CHD9: variants seen among roughly 807,000 people sequenced by gnomAD.
CHD9 encodes chromodomain helicase DNA binding protein 9, also known as ATP-dependent chromatin remodeler CHD9.
Under a neutral mutation model 316.1 loss-of-function variants are expected in CHD9, and 77 were observed. The ratio of observed to expected loss-of-function variants is 0.24; its 90% CI spans 0.20 to 0.29. CHD9 has a LOEUF of 0.29. Among genes scored for constraint, CHD9 ranks in the 10% least tolerant of loss-of-function variants. The probability of loss-of-function intolerance (pLI) is 1.00; values close to 1 mark genes in which losing one functional copy is unlikely to be tolerated. For synonymous variants in CHD9, 1,129 were observed against 1,158.3 expected, an observed-to-expected ratio of 0.97 and a Z score of 0.51; for missense variants, 2,763 against 3,438.1, an observed-to-expected ratio of 0.80 and a Z score of 4.91.
chr16:53,200,615 C>G (rs2045373690), intron 2 of CHD9, among the ~76,000 whole-genome samples: 1 of 152,120 alleles, frequency 6.6e-6, no homozygotes, highest in Non-Finnish European at 1.5e-5. Context: ...GAAATAGAAA[C>G]TTTCCATTAG....
At chr16:53,074,512 T>A (rs924884130) in intron 1 of CHD9, among the ~76,000 whole-genome samples, 50 of 151,522 alleles carry the variant, frequency 3.3e-4, no homozygotes, top group African/African-American at 1.1e-3. Flanking sequence ...GGCCCAGAGG[T>A]TGAGGAGGAA....
At position 53,120,252 on chromosome 16, in the gene CHD9, AAT is replaced by A. The variant is rs1380141131; in HGVS notation, c.-164-35673_-164-35672del. 3.8e-3 allele frequency among the ~76,000 whole-genome samples: 551 copies of A among 143,962 alleles called. 5 individuals are homozygous for A. The highest frequency in any genetic ancestry group is 0.012 in the African/African-American group (508 of 40,946). The allele number at this position is 143,962 out of a possible 152,430, so 94.4% of individuals were successfully genotyped here. A position where few individuals can be genotyped will look rare whatever the true frequency, so the allele number is the denominator to read the frequency against. ...GTCTCTAAAAAAATAAAAATAAAAAAATTTTTTTAAAAAATTGCACTAGGATG... is the reference window on the plus strand; with the variant it reads ...GTCTCTAAAAAAATAAAAATAAAAAATTTTTTAAAAAATTGCACTAGGATG... On this transcript the variant is annotated intron_variant, in intron 1 of 38. Coordinates refer to ENST00000447540, the MANE Select transcript of CHD9 (RefSeq NM_001308319.2).
At chr16:53,163,935 A>G (rs560388974) in intron 2 of CHD9, among the ~76,000 whole-genome samples, 47 of 152,238 alleles carry the variant, frequency 3.1e-4, no homozygotes, top group African/African-American at 1.1e-3. Context: ...TTTGGATATG[A>G]TTTTTTTCCT....
chr16:53,058,211 C>G (rs1175254242), intron 1 of CHD9, among the ~76,000 whole-genome samples: 1 of 152,174 alleles, frequency 6.6e-6, no homozygotes, highest in Non-Finnish European at 1.5e-5. Flanking sequence ...GTCTCCACCT[C>G]TGGAGTTCAA....
chr16:53,091,484 T>C (rs2035938694), intron 1 of CHD9, among the ~76,000 whole-genome samples: 1 of 152,230 alleles, frequency 6.6e-6, no homozygotes, highest in South Asian at 2.1e-4. Flanking sequence ...AGGGATCCCC[T>C]GCCTTCCCAT....
chr16:53,125,174 T>C (rs1483846452), intron 1 of CHD9, among the ~76,000 whole-genome samples: 1 of 152,074 alleles, frequency 6.6e-6, no homozygotes, highest in East Asian at 1.9e-4. Flanking sequence ...ACTAAACCCT[T>C]ATCAGATACA....
chr16:53,284,932 A>G (rs1341331526), intron 24 of CHD9, among the ~76,000 whole-genome samples: 1 of 151,714 alleles, frequency 6.6e-6, no homozygotes, highest in Non-Finnish European at 1.5e-5. Flanking sequence ...CGCCCAGCTA[A>G]TTTTTTGTAT....
Position 53,304,559 on chromosome 16 carries a change from T to C in CHD9, c.6553T>C (p.Ser2185Pro), listed in dbSNP as rs1465236472. The C allele has an allele frequency of 1.3e-6, 2 of 1,546,130 alleles. No homozygotes were observed. Among genetic ancestry groups the C allele is most frequent in the Admixed American group, 3.9e-5 (2 of 50,954 alleles). ...SSSSSSSTSS[S>P]SSSSSSSSEE... The stretch of plus-strand genomic sequence containing the variant: ...TTCATCCTCTTCCTCCACCTCTTCC[T>C]CCTCCTCCTCCTCTTCATCTTCATC... Residue 2185 changes from serine to proline, a missense_variant, in exon 31 of 39, where the codon TCC becomes CCC. Physicochemically the swap from Ser to Pro is moderately conservative, Grantham distance 74. Around this residue, in one of 15 missense-constraint regions of CHD9, gnomAD observed 663 missense variants for 751.2 expected, o/e 0.88. Coordinates refer to ENST00000447540, the MANE Select transcript of CHD9 (RefSeq NM_001308319.2).
intron 3 of CHD9, among the ~76,000 whole-genome samples, chr16:53,221,442 A>G (rs1475802494): frequency 6.6e-6 from 1 of 152,196 alleles, no homozygotes; most frequent in African/African-American, 2.4e-5. Flanking sequence ...ATCATACCTG[A>G]AAGTATTGGG....
At chr16:53,162,554 T>G (rs1265364213) in intron 2 of CHD9, among the ~76,000 whole-genome samples, 1 of 152,162 alleles carries the variant, frequency 6.6e-6, no homozygotes, top group Non-Finnish European at 1.5e-5. Context: ...AAAAATTCTG[T>G]GTAAGTGAAA....
At chr16:53,109,980 G>A (rs539950773) in intron 1 of CHD9, among the ~76,000 whole-genome samples, 23 of 152,178 alleles carry the variant, frequency 1.5e-4, no homozygotes, top group African/African-American at 4.1e-4. Context: ...CACTGCGCCC[G>A]GCCTGGATTC....
intron 2 of CHD9, among the ~76,000 whole-genome samples, chr16:53,204,058 T>TATATATACAC (rs773266940): frequency 6.3e-4 from 40 of 63,008 alleles, no homozygotes; most frequent in African/African-American, 1.7e-3. Flanking sequence ...AATATATATA[T>TATATATACAC]ACACACACAC....
At chr16:53,189,978 C>A (rs2044348746) in intron 2 of CHD9, among the ~76,000 whole-genome samples, 1 of 152,068 alleles carries the variant, frequency 6.6e-6, no homozygotes, top group Admixed American at 6.5e-5. Context: ...TATTATCCCT[C>A]AACCTCTTAT....
intron 19 of CHD9, among the ~76,000 whole-genome samples, chr16:53,261,392 G>A (rs2051111732): frequency 1.0e-5 from 1 of 95,390 alleles, no homozygotes; most frequent in African/African-American, 3.6e-5. Flanking sequence ...TTTTAGACAG[G>A]TTCTTGTTTT....
At chr16:53,253,843 T>TA (rs925637707) in intron 17 of CHD9, among the ~76,000 whole-genome samples, 4 of 152,102 alleles carry the variant, frequency 2.6e-5, no homozygotes, top group Non-Finnish European at 5.9e-5. Flanking sequence ...TTCATAGGTT[T>TA]TGTGTCCCTG....
chr16:53,291,657 C>A, intron 27 of CHD9, 68 bp from the exon 28 acceptor site: 1 of 1,066,936 alleles, frequency 9.4e-7, no homozygotes, highest in South Asian at 1.5e-5. Context: ...AAGTTTGATT[C>A]TCTTTTCTTT....
chr16:53,225,693 T>G (rs897077736), intron 4 of CHD9, among the ~76,000 whole-genome samples: 1 of 152,094 alleles, frequency 6.6e-6, no homozygotes, highest in Admixed American at 6.5e-5. Flanking sequence ...CTAAAGTTAG[T>G]GAAACAGTTT....
intron 1 of CHD9, among the ~76,000 whole-genome samples, chr16:53,128,387 G>T (rs1354395024): frequency 6.6e-6 from 1 of 152,046 alleles, no homozygotes; most frequent in African/African-American, 2.4e-5. Context: ...TCTCCATGTT[G>T]GTCAGGCTGG....
chr16:53,141,907 A>C (rs2040143469), intron 1 of CHD9, among the ~76,000 whole-genome samples: 3 of 152,142 alleles, frequency 2.0e-5, no homozygotes, highest in African/African-American at 7.2e-5. Flanking sequence ...AGAACATATT[A>C]ATGGAGGTGT....
Sources: gnomAD v4.1 joint callset for allele counts (sites outside exome capture counted in the v4.1 genomes callset) on GRCh38, gnomAD v4.1.1 for gene constraint, gnomAD v4.1.1 regional missense constraint, MANE v1.5 for transcripts, NCBI Gene and HGNC (gene_info 2026-07-23, HGNC 2026-07-21) for gene names.